The following CYSLTR1 variants were observed in gnomAD, a reference collection of about 807,000 sequenced individuals.
CYSLTR1 encodes cysteinyl leukotriene receptor 1.
CYSLTR1 carries 1 observed loss-of-function variant against 2.1 expected under a neutral mutation model. The ratio of observed to expected loss-of-function variants is 0.48; its 90% confidence interval spans 0.17 to 2.28. The LOEUF (loss-of-function observed/expected upper bound fraction) is 2.28. Among genes scored for constraint, CYSLTR1 ranks in the 30% most tolerant of loss-of-function variants. The pLI is 0.26. For synonymous variants in CYSLTR1, 110 were observed against 89.6 expected, an observed-to-expected ratio of 1.23 and a Z score of -1.28; for missense variants, 299 against 250.1, an observed-to-expected ratio of 1.20 and a Z score of -1.32.
At chrX:78,325,706 T>C (rs1009090003) in intron 1 of CYSLTR1, among the ~76,000 whole-genome samples, 5 of 111,702 alleles carry the variant, frequency 4.5e-5, no homozygotes, top group African/African-American at 1.6e-4. Context: ...AAAGTAGAGG[T>C]CCATACAGGG....
At chrX:78,276,206 C>A (rs775864428) in intron 2 of CYSLTR1, among the ~76,000 whole-genome samples, 1 of 111,924 alleles carries the variant, frequency 8.9e-6, no homozygotes, top group South Asian at 3.7e-4. Flanking sequence ...TCACTGAGGG[C>A]AGTCAATAAG....
In CYSLTR1 at chrX:78,273,458, G is replaced by A. The variant is rs200535935; in HGVS notation, c.289C>T (p.Arg97Cys). The change falls in exon 3 of 3, where the codon CGC becomes TGC. Residue 97 changes from arginine to cysteine, a missense_variant. Physicochemically the swap from Arg to Cys is radical, Grantham distance 180. Coordinates refer to ENST00000373304, the MANE Select transcript of CYSLTR1 (RefSeq NM_006639.4). ...ACATACAAAGCATAGGTGCTGAGGC[G>A]GCACAAGAAGTCACCAAAGAGCCAA... ...GIWLFGDFLCRLSTYALYVNL... is the reference protein window; with the variant it reads ...GIWLFGDFLCCLSTYALYVNL... The A allele has an allele frequency of 9.9e-6, 12 of 1,209,656 alleles. No homozygotes were observed. The highest frequency in any genetic ancestry group is 1.8e-5 in the African/African-American group (1 of 57,135).
chrX:78,282,109 C>A, intron 2 of CYSLTR1, among the ~76,000 whole-genome samples: 1 of 111,906 alleles, frequency 8.9e-6, no homozygotes, highest in Non-Finnish European at 1.9e-5. Context: ...TTTTCACTGT[C>A]TTTTTTTCTT....
intron 2 of CYSLTR1, among the ~76,000 whole-genome samples, chrX:78,274,328 C>T (rs779949430): frequency 9.0e-6 from 1 of 111,178 alleles, no homozygotes; most frequent in African/African-American, 3.3e-5. Context: ...TACAAGGCTA[C>T]AGTAACCAAA....
rs897352449 is a variant in CYSLTR1 at position 78,290,145 on chromosome X, A to G, written c.-114-6605T>C. ...ATCTTAATTACTTTTTGTATAAGGT[A>G]TAAGGAAGGGATCCAGTTTCAGCTT... On this transcript the variant is annotated intron_variant, in intron 1 of 2. Coordinates refer to ENST00000373304, the MANE Select transcript of CYSLTR1 (RefSeq NM_006639.4). Among the ~76,000 whole-genome samples, 3 of 111,855 alleles carry G rather than the reference A, an allele frequency of 2.7e-5. 1 individual carries two copies. Among genetic ancestry groups the G allele is most frequent in the African/African-American group, 6.5e-5 (2 of 30,774 alleles).
In CYSLTR1 at chrX:78,296,181, C is replaced by T. The variant is rs767997914; in HGVS notation, c.-114-12641G>A. ...TCTTTTCCCCAGTGTATGTTCTTGGCAACTTTGTTGAAAATGAGTTCACTA... is the reference window on the plus strand; with the variant it reads ...TCTTTTCCCCAGTGTATGTTCTTGGTAACTTTGTTGAAAATGAGTTCACTA... On this transcript the variant is annotated intron_variant, in intron 1 of 2. Transcript: ENST00000373304. Among the ~76,000 whole-genome samples the T allele has an allele frequency of 4.3e-4, 48 of 111,704 alleles. 1 individual carries two copies. The highest frequency in any genetic ancestry group is 4.6e-3 in the Middle Eastern group (1 of 217).
At chrX:78,311,221 T>C (rs1923209191) in intron 1 of CYSLTR1, among the ~76,000 whole-genome samples, 1 of 109,342 alleles carries the variant, frequency 9.1e-6, no homozygotes, top group Non-Finnish European at 1.9e-5. Flanking sequence ...TTGGTGGAGG[T>C]TGGAATAATT....
chrX:78,280,282 G>C (rs1921781467), intron 2 of CYSLTR1, among the ~76,000 whole-genome samples: 1 of 111,505 alleles, frequency 9.0e-6, no homozygotes, highest in African/African-American at 3.3e-5. Context: ...CTTTTTCTTA[G>C]TTCCATGTCA....
intron 2 of CYSLTR1, among the ~76,000 whole-genome samples, chrX:78,275,687 A>T (rs903775959): frequency 1.3e-4 from 15 of 111,424 alleles, no homozygotes. Flanking sequence ...ATATGTAACA[A>T]ACTTGCACGT....
intron 2 of CYSLTR1, among the ~76,000 whole-genome samples, chrX:78,277,012 C>T (rs1240008966): frequency 9.0e-6 from 1 of 111,075 alleles, no homozygotes; most frequent in African/African-American, 3.3e-5. Flanking sequence ...CTCATGATCT[C>T]CACGGACATT....
At chrX:78,322,447 A>C (rs183363580) in intron 1 of CYSLTR1, among the ~76,000 whole-genome samples, 107 of 112,010 alleles carry the variant, frequency 9.6e-4, no homozygotes, top group Non-Finnish European at 8.5e-4. Context: ...CCACAATCAT[A>C]TCTCTCTTTG....
intron 1 of CYSLTR1, among the ~76,000 whole-genome samples, chrX:78,302,883 G>A (rs1325179781): frequency 9.0e-6 from 1 of 111,110 alleles, no homozygotes. Context: ...CCAGGGGTTA[G>A]GGGAGGAATG....
chrX:78,301,157 C>A (rs1366480671), intron 1 of CYSLTR1, among the ~76,000 whole-genome samples: 1 of 112,051 alleles, frequency 8.9e-6, no homozygotes, highest in African/African-American at 3.2e-5. Context: ...TGCCTCTGGG[C>A]CTGTGATGGG....
At chrX:78,310,246 C>A (rs1923167836) in intron 1 of CYSLTR1, among the ~76,000 whole-genome samples, 1 of 111,518 alleles carries the variant, frequency 9.0e-6, no homozygotes, top group African/African-American at 3.3e-5. Context: ...CTGTTGTTTA[C>A]CATATGTGTA....
intron 1 of CYSLTR1, among the ~76,000 whole-genome samples, chrX:78,298,375 T>A (rs1377384476): frequency 8.9e-6 from 1 of 111,905 alleles, no homozygotes; most frequent in Non-Finnish European, 1.9e-5. Flanking sequence ...ATTCTGTGAA[T>A]ATCTGTTAGA....
At chrX:78,318,745 A>AT (rs2147275623) in intron 1 of CYSLTR1, among the ~76,000 whole-genome samples, 1 of 111,413 alleles carries the variant, frequency 9.0e-6, no homozygotes, top group South Asian at 3.7e-4. Context: ...TTATGTTTCT[A>AT]TTTTTTCAAT....
chrX:78,288,963 CT>C (rs34808625), intron 1 of CYSLTR1, among the ~76,000 whole-genome samples: 27 of 100,255 alleles, frequency 2.7e-4, no homozygotes, highest in Admixed American at 6.5e-4. Flanking sequence ...TGCAATGTTT[CT>C]TTTTTTTTTT....
Position 78,327,308 on chromosome X carries a change from C to T in CYSLTR1, c.-118G>A, listed in dbSNP as rs1441192523. 1 of 112,000 alleles carries T rather than the reference C, an allele frequency of 8.9e-6. No homozygotes were observed. The highest frequency in any genetic ancestry group is 1.9e-5 in the Non-Finnish European group (1 of 53,206). The allele number at this position is 112,000 out of a possible 1,213,427, so 9.2% of individuals were successfully genotyped here. On this transcript the variant is annotated 5_prime_UTR_variant, in exon 1 of 3. Transcript: ENST00000373304. ...ACTGAATACTGAGTCTCCTTACCTG[C>T]TAACTTCAAGGTCCACAGTTTACTG... is the stretch of plus-strand genomic sequence containing the variant.
chrX:78,305,953 T>C (rs1203746128), intron 1 of CYSLTR1, among the ~76,000 whole-genome samples: 3 of 112,713 alleles, frequency 2.7e-5, no homozygotes, highest in African/African-American at 9.7e-5. Context: ...CATCAACAGA[T>C]GAATGGATAA....
Sources: gnomAD v4.1 joint callset for allele counts (sites outside exome capture counted in the v4.1 genomes callset) on GRCh38, gnomAD v4.1.1 for gene constraint, MANE v1.5 for transcripts, NCBI Gene and HGNC (gene_info 2026-07-23, HGNC 2026-07-21) for gene names.